MYH10: variants seen among roughly 807,000 people sequenced by gnomAD.
The protein encoded by MYH10 is myosin-10.
A neutral mutation model predicts 257.8 loss-of-function variants in MYH10; 55 were observed. That is an observed-to-expected ratio of 0.21 (90% confidence interval 0.17 to 0.27). The LOEUF (loss-of-function observed/expected upper bound fraction) is 0.27, where lower values mean the gene tolerates loss of function less well. Among genes scored for constraint, MYH10 ranks in the 10% least tolerant of loss-of-function variants. The pLI is 1.00. For missense variants in MYH10, 1,631 were observed against 2,500.6 expected, an observed-to-expected ratio of 0.65 and a Z score of 7.42; for synonymous variants, 854 against 921.7, an observed-to-expected ratio of 0.93 and a Z score of 1.33.
intron 7 of MYH10, among the ~76,000 whole-genome samples, chr17:8,557,578 C>T (rs776471906): frequency 9.9e-5 from 15 of 152,136 alleles, no homozygotes; most frequent in Non-Finnish European, 1.9e-4. Context: ...AAATACTTGA[C>T]GAGCTTGATA....
chr17:8,562,295 TCACTTGAGTGTTGGC>T lies in MYH10; in HGVS notation c.756+7410_756+7424del, dbSNP rs373196477. Reference sequence around the variant, plus strand: ...AAGATGCAGGCCATGGGACCTGACGTCACTTGAGTGTTGGCCACTTGGCCAGATAAGCAAAGGTGA... The same window carrying T: ...AAGATGCAGGCCATGGGACCTGACGTCACTTGGCCAGATAAGCAAAGGTGA... On this transcript the variant is annotated intron_variant, in intron 7 of 42. Coordinates refer to ENST00000360416, the MANE Select transcript of MYH10 (RefSeq NM_001256012.3). Among the ~76,000 whole-genome samples, 162 of 152,364 alleles carry T rather than the reference TCACTTGAGTGTTGGC, an allele frequency of 1.1e-3. 1 individual carries two copies. The highest frequency in any genetic ancestry group is 3.8e-3 in the African/African-American group (156 of 41,590).
chr17:8,625,293 C>T (rs2085632445), intron 1 of MYH10, among the ~76,000 whole-genome samples: 1 of 152,104 alleles, frequency 6.6e-6, no homozygotes, highest in Non-Finnish European at 1.5e-5. Flanking sequence ...TTTACTAGAA[C>T]CAAATAGCTA....
chr17:8,594,388 C>T (rs1234638465), intron 3 of MYH10, among the ~76,000 whole-genome samples: 1 of 152,178 alleles, frequency 6.6e-6, no homozygotes, highest in Non-Finnish European at 1.5e-5. Flanking sequence ...GATACTACTA[C>T]TCATCTATTA....
chr17:8,611,741 G>A (rs2085046713), intron 2 of MYH10, among the ~76,000 whole-genome samples: 1 of 152,218 alleles, frequency 6.6e-6, no homozygotes, highest in Non-Finnish European at 1.5e-5. Context: ...AAAATGTAGA[G>A]GAATGTGAGA....
Position 8,492,884 on chromosome 17 carries a change from C to T in MYH10, c.4350G>A (p.Glu1450=), listed in dbSNP as rs1916002404. ...CCTGCTGCAGGCGGTTCTTGGTCTTCTCCAGTTTGTCATACGCCAGTGCCT... is the reference window on the plus strand; with the variant it reads ...CCTGCTGCAGGCGGTTCTTGGTCTTTTCCAGTTTGTCATACGCCAGTGCCT... The part of the protein sequence containing the change: ...EEKALAYDKL[E]KTKNRLQQEL... The change falls in exon 33 of 43, where the codon GAG becomes GAA. Residue 1450 remains glutamate, a synonymous_variant. Coordinates refer to ENST00000360416, the MANE Select transcript of MYH10 (RefSeq NM_001256012.3). 1.2e-6 allele frequency: 2 copies of T among 1,613,982 alleles called. No individual in the cohort carries two copies. The highest frequency in any genetic ancestry group is 1.1e-5 in the South Asian group (1 of 91,088).
Position 8,535,994 on chromosome 17 carries a change from G to T in MYH10, c.1606-63C>A. The T allele has an allele frequency of 6.9e-7, 1 of 1,456,092 alleles. No individual in the cohort carries two copies. Among genetic ancestry groups the T allele is most frequent in the Non-Finnish European group, 9.4e-7 (1 of 1,062,052 alleles). The allele number at this position is 1,456,092 out of a possible 1,614,324, so 90.2% of individuals were successfully genotyped here. Reference sequence around the variant, plus strand: ...ATGCCACTTTAATACTACTGAGTCTGGCACTTAAACTTCTAAAACAATTAG... The same window carrying T: ...ATGCCACTTTAATACTACTGAGTCTTGCACTTAAACTTCTAAAACAATTAG... On this transcript the variant is annotated intron_variant, in intron 14 of 42. Coordinates refer to ENST00000360416, the MANE Select transcript of MYH10 (RefSeq NM_001256012.3). The surrounding 1 kb of genome is among the most constrained non-coding windows in gnomAD (Gnocchi z 4.3).
chr17:8,560,499 C>T, intron 7 of MYH10: 17 of 535,538 alleles, frequency 3.2e-5, no homozygotes, highest in South Asian at 2.6e-4. Context: ...CTTTTGACAT[C>T]ATTGTTGATG....
intron 7 of MYH10, among the ~76,000 whole-genome samples, chr17:8,565,762 T>C (rs1384069359): frequency 6.6e-6 from 1 of 152,228 alleles, no homozygotes; most frequent in African/African-American, 2.4e-5. Flanking sequence ...TTCCTGCTTC[T>C]TTCCTGTGTG....
intron 2 of MYH10, among the ~76,000 whole-genome samples, chr17:8,605,905 A>G (rs1222027492): frequency 6.6e-6 from 1 of 152,228 alleles, no homozygotes; most frequent in African/African-American, 2.4e-5. Flanking sequence ...ATGTTTGGTT[A>G]ATACTAAAGA....
intron 31 of MYH10, 24 bp downstream of exon 31, chr17:8,495,113 G>C: frequency 7.3e-7 from 1 of 1,367,332 alleles, no homozygotes; most frequent in Non-Finnish European, 1.0e-6. Flanking sequence ...TTATTATAAA[G>C]ACCCCTTGCT....
At position 8,552,304 on chromosome 17, in the gene MYH10, C is replaced by T. The variant is rs903463360; in HGVS notation, c.821-160G>A. Among the ~76,000 whole-genome samples the T allele has an allele frequency of 1.3e-5, 2 of 152,140 alleles. No homozygotes were observed. Among genetic ancestry groups the T allele is most frequent in the Admixed American group, 6.5e-5 (1 of 15,270 alleles). On this transcript the variant is annotated intron_variant, in intron 8 of 42. Coordinates refer to ENST00000360416, the MANE Select transcript of MYH10 (RefSeq NM_001256012.3). The surrounding 1 kb of genome is among the most constrained non-coding windows in gnomAD (Gnocchi z 4.8). ...ACTATTCTAAATGACTGTCTTCCAT[C>T]TGTGAAAAAAGAAAATAGGTGCAAC...
intron 3 of MYH10, among the ~76,000 whole-genome samples, chr17:8,604,301 C>T (rs1054370110): frequency 2.6e-5 from 4 of 152,158 alleles, no homozygotes; most frequent in African/African-American, 7.2e-5. Context: ...CCATAAATCA[C>T]TGTGTCTAAA....
At chr17:8,579,110 T>TA (rs961858819) in intron 4 of MYH10, among the ~76,000 whole-genome samples, 1 of 151,702 alleles carries the variant, frequency 6.6e-6, no homozygotes, top group African/African-American at 2.4e-5. Context: ...GACCCACATC[T>TA]ACAAAAAAAA....
Position 8,504,937 on chromosome 17 carries a change from C to A in MYH10, c.3387-31G>T. 1 of 1,590,436 alleles carries A rather than the reference C, an allele frequency of 6.3e-7. No homozygotes were observed. Among genetic ancestry groups the A allele is most frequent in the Non-Finnish European group, 8.6e-7 (1 of 1,159,026 alleles). On this transcript the variant is annotated intron_variant, in intron 27 of 42. Coordinates refer to ENST00000360416, the MANE Select transcript of MYH10 (RefSeq NM_001256012.3). The surrounding 1 kb of genome is among the most constrained non-coding windows in gnomAD (Gnocchi z 5.6). ...AAAACACCCAGGCGCAAGAGGCACT[C>A]AGAGATGGCACCCGGATGGCCTGTT...
intron 3 of MYH10, among the ~76,000 whole-genome samples, chr17:8,592,933 C>CTATATATATATATATATATA (rs71159601): frequency 2.2e-5 from 1 of 44,712 alleles, no homozygotes; most frequent in African/African-American, 6.2e-5. Context: ...TCAAATCCAG[C>CTATATATATATATATATATA]TATATATATA....
At chr17:8,607,915 CAG>C (rs2084873043) in intron 2 of MYH10, among the ~76,000 whole-genome samples, 1 of 152,164 alleles carries the variant, frequency 6.6e-6, no homozygotes, top group African/African-American at 2.4e-5. Flanking sequence ...ACCACCTTGT[CAG>C]AGACTGTAGA....
chr17:8,571,309 G>T (rs1200836079), intron 6 of MYH10, among the ~76,000 whole-genome samples: 1 of 151,198 alleles, frequency 6.6e-6, no homozygotes, highest in Non-Finnish European at 1.5e-5. Flanking sequence ...CGAGTAGCTG[G>T]GACTACAGGC....
In MYH10 at chr17:8,509,827, AT is replaced by A; in HGVS notation, c.3074del (p.Asn1025IlefsTer41). On this transcript the variant is annotated frameshift_variant, in exon 25 of 43. Coordinates refer to ENST00000360416, the MANE Select transcript of MYH10 (RefSeq NM_001256012.3). LOFTEE classifies it high-confidence loss of function. ...EEEILLLEDQ[N>X]SKFIKEKKLM... Reference sequence around the variant, plus strand: ...ACTCTCTTACTTTGATGAACTTGGAATTTTGGTCCTCGAGAAGCAGAATCTC... The same window carrying A: ...ACTCTCTTACTTTGATGAACTTGGAATTTGGTCCTCGAGAAGCAGAATCTC... The A allele has an allele frequency of 6.2e-7, 1 of 1,607,734 alleles. No individual in the cohort carries two copies. The highest frequency in any genetic ancestry group is 1.7e-5 in the Admixed American group (1 of 58,784).
chr17:8,568,012 C>G lies in MYH10; in HGVS notation c.756+1708G>C, dbSNP rs180972145. 1.3e-3 allele frequency among the ~76,000 whole-genome samples: 197 copies of G among 152,282 alleles called. 2 individuals carry two copies. The highest frequency in any genetic ancestry group is 3.2e-4 in the Non-Finnish European group (22 of 68,010). ...GTGGTCGTCAGTTACCTCTTCATCC[C>G]AACCCTCTCCCCTTCCCCCTGCCTT... On this transcript the variant is annotated intron_variant, in intron 7 of 42. Transcript: ENST00000360416.
Sources: allele counts gnomAD v4.1 joint callset (sites outside exome capture counted in the v4.1 genomes callset), GRCh38; gene constraint gnomAD v4.1.1; non-coding constraint Gnocchi (gnomAD v3.1); transcripts MANE v1.5; gene names NCBI Gene and HGNC (gene_info 2026-07-23, HGNC 2026-07-21).